The following CCL17 variants were observed in gnomAD, a reference collection of about 807,000 sequenced individuals.
The protein encoded by CCL17 is C-C motif chemokine 17.
A neutral mutation model predicts 7.4 loss-of-function variants in CCL17; 8 were observed. The ratio of observed to expected loss-of-function variants is 1.09; its 90% CI spans 0.64 to 1.96. The LOEUF (loss-of-function observed/expected upper bound fraction) is 1.96, where lower values mean the gene tolerates loss of function less well. Among genes scored for constraint, CCL17 ranks in the 30% most tolerant of loss-of-function variants. The pLI is 0.00. For synonymous variants in CCL17, 40 were observed against 46.1 expected, an observed-to-expected ratio of 0.87 and a Z score of 0.54; for missense variants, 102 against 113.0, an observed-to-expected ratio of 0.90 and a Z score of 0.44.
chr16:57,405,177 T>C (rs1902676364), intron 1 of CCL17, among the ~76,000 whole-genome samples: 1 of 152,114 alleles, frequency 6.6e-6, no homozygotes, highest in African/African-American at 2.4e-5. Flanking sequence ...AAGGGGGCAT[T>C]ACATGGTCAG....
rs1311080973 is a variant in CCL17 at position 57,415,096 on chromosome 16, T to G, written c.86T>G (p.Val29Gly). ...QHIHAARGTN[V>G]GRECCLEYFK... ...CTCCCTGCAGCTCGAGGGACCAATG[T>G]GGGCCGGGAGTGCTGCCTGGAGTAC... Residue 29 changes from valine (V) to glycine (G), a missense_variant, in exon 3 of 4, where the codon GTG becomes GGG. Physicochemically the swap from Val to Gly is moderately radical, Grantham distance 109 (BLOSUM62 -3). Transcript: ENST00000219244. This position sits in a 1 kb window ranked among gnomAD's most constrained non-coding sequence, Gnocchi z 4.5. 1 of 1,613,498 alleles carries G rather than the reference T, an allele frequency of 6.2e-7. No homozygotes were observed.
chr16:57,399,616 A>G, the CCL17 span, among the ~76,000 whole-genome samples: 1 of 151,972 alleles, frequency 6.6e-6, no homozygotes, highest in Non-Finnish European at 1.5e-5. Flanking sequence ...TTGCCCAGCT[A>G]ATTTTTTATT....
chr16:57,403,150 T>A (rs1376715764), upstream of CCL17, among the ~76,000 whole-genome samples: 2 of 88,188 alleles, frequency 2.3e-5, no homozygotes, highest in Non-Finnish European at 4.0e-5. Flanking sequence ...TTATCTATAA[T>A]ATATATAATA....
intron 1 of CCL17, among the ~76,000 whole-genome samples, chr16:57,408,663 G>C (rs1182904654): frequency 6.6e-6 from 1 of 152,002 alleles, no homozygotes; most frequent in East Asian, 1.9e-4. Context: ...CCACCTCCCG[G>C]GTTCAAGCGA....
At chr16:57,412,186 G>A (rs1359682683) in intron 1 of CCL17, among the ~76,000 whole-genome samples, 1 of 152,202 alleles carries the variant, frequency 6.6e-6, no homozygotes, top group African/African-American at 2.4e-5. Flanking sequence ...ATGAGATTGA[G>A]GTCCAGAGAG....
At chr16:57,408,657 C>G (rs1184327013) in intron 1 of CCL17, among the ~76,000 whole-genome samples, 2 of 150,810 alleles carry the variant, frequency 1.3e-5, no homozygotes, top group Non-Finnish European at 3.0e-5. Flanking sequence ...CAATCTCCAC[C>G]TCCCGGGTTC....
the CCL17 span, among the ~76,000 whole-genome samples, chr16:57,398,003 C>T: frequency 6.6e-6 from 1 of 152,146 alleles, no homozygotes; most frequent in Non-Finnish European, 1.5e-5. Flanking sequence ...AATTTGTTGG[C>T]AGTCATGCTC....
chr16:57,411,400 C>T (rs1387340931), intron 1 of CCL17, among the ~76,000 whole-genome samples: 4 of 152,214 alleles, frequency 2.6e-5, no homozygotes, highest in Non-Finnish European at 5.9e-5. Flanking sequence ...GAACCTTCCA[C>T]TGCTGCTTTC....
upstream of CCL17, among the ~76,000 whole-genome samples, chr16:57,400,155 C>T (rs1173459347): frequency 6.6e-6 from 1 of 151,946 alleles, no homozygotes; most frequent in Non-Finnish European, 1.5e-5. Context: ...GTCAGGAGAT[C>T]GAGACCATCC....
intron 1 of CCL17, among the ~76,000 whole-genome samples, chr16:57,413,164 A>G (rs1167535679): frequency 6.6e-6 from 1 of 152,168 alleles, no homozygotes; most frequent in Non-Finnish European, 1.5e-5. Flanking sequence ...CATCCCATTT[A>G]GGGGAACGTG....
In CCL17 at chr16:57,413,911, T is replaced by C. The variant is rs767470129; in HGVS notation, c.-22T>C. 8.2e-6 allele frequency: 13 copies of C among 1,594,040 alleles called. 1 individual carries two copies. In the South Asian group the frequency reaches 1.5e-4, roughly 18 times the overall value. On this transcript the variant is annotated 5_prime_UTR_variant, in exon 2 of 4. Coordinates refer to ENST00000219244, the MANE Select transcript of CCL17 (RefSeq NM_002987.3). ...AGCAGAGGGACCTGCACACAGAGAC[T>C]CCCTCCTGGGCTCCTGGCACCATGG...
chr16:57,405,999 G>A (rs893955003), intron 1 of CCL17, among the ~76,000 whole-genome samples: 3 of 151,762 alleles, frequency 2.0e-5, no homozygotes, highest in East Asian at 1.9e-4. Flanking sequence ...CCGAGATAGC[G>A]CTGCTGCAGT....
Position 57,415,730 on chromosome 16 carries a change from C to A in CCL17, c.189-35C>A, listed in dbSNP as rs369902808. On this transcript the variant is annotated intron_variant, in intron 3 of 3. Transcript: ENST00000219244. This position sits in a 1 kb window ranked among gnomAD's most constrained non-coding sequence, Gnocchi z 4.5. ...CAGGGACTCTGGGGGCCCTTCCCCCCCTGCCACTCCTGGTAACGTCCTCCT... is the reference window on the plus strand; with the variant it reads ...CAGGGACTCTGGGGGCCCTTCCCCCACTGCCACTCCTGGTAACGTCCTCCT... 34 of 1,416,494 alleles carry A rather than the reference C, an allele frequency of 2.4e-5. No individual in the cohort carries two copies. The highest frequency in any genetic ancestry group is 1.0e-4 in the Admixed American group (6 of 59,736). 87.7% of individuals were successfully genotyped at this position (1,416,494 alleles called of 1,614,324 possible).
In CCL17 at chr16:57,415,743, G is replaced by T; in HGVS notation, c.189-22G>T. Reference sequence around the variant, plus strand: ...GGCCCTTCCCCCCCTGCCACTCCTGGTAACGTCCTCCTTCTGTGTAGTTTT... The same window carrying T: ...GGCCCTTCCCCCCCTGCCACTCCTGTTAACGTCCTCCTTCTGTGTAGTTTT... On this transcript the variant is annotated intron_variant, in intron 3 of 3. Transcript: ENST00000219244. This position sits in a 1 kb window ranked among gnomAD's most constrained non-coding sequence, Gnocchi z 4.5. 1 of 1,542,054 alleles carries T rather than the reference G, an allele frequency of 6.5e-7. No homozygotes were observed. Among genetic ancestry groups the T allele is most frequent in the East Asian group, 2.2e-5 (1 of 44,550 alleles).
chr16:57,401,389 C>A (rs1902589354), upstream of CCL17, among the ~76,000 whole-genome samples: 1 of 151,762 alleles, frequency 6.6e-6, no homozygotes, highest in Non-Finnish European at 1.5e-5. Context: ...CTGGGCATGG[C>A]AGTGCACCCC....
chr16:57,413,336 G>GC (rs1426426286), intron 1 of CCL17, among the ~76,000 whole-genome samples: 1 of 152,064 alleles, frequency 6.6e-6, no homozygotes, highest in African/African-American at 2.4e-5. Flanking sequence ...GCAGAGTGAT[G>GC]CCCATGTGCC....
At chr16:57,409,288 G>T (rs1448818968) in intron 1 of CCL17, among the ~76,000 whole-genome samples, 1 of 152,192 alleles carries the variant, frequency 6.6e-6, no homozygotes, top group African/African-American at 2.4e-5. Context: ...TTCCAGACAG[G>T]AAGAACAGCT....
At chr16:57,410,057 C>T (rs1902759280) in intron 1 of CCL17, among the ~76,000 whole-genome samples, 1 of 152,206 alleles carries the variant, frequency 6.6e-6, no homozygotes, top group African/African-American at 2.4e-5. Context: ...CCTAGCTGCC[C>T]CCTCCTGGTC....
At chr16:57,404,575 G>T (rs1245180452), upstream of CCL17, among the ~76,000 whole-genome samples, 1 of 152,100 alleles carries the variant, frequency 6.6e-6, no homozygotes, top group Non-Finnish European at 1.5e-5. Flanking sequence ...TTGGTATGGC[G>T]AGTAGGCAGC....
Sources: gnomAD v4.1 joint callset for allele counts (sites outside exome capture counted in the v4.1 genomes callset) on GRCh38, gnomAD v4.1.1 for gene constraint, Gnocchi (gnomAD v3.1) non-coding constraint, MANE v1.5 for transcripts, NCBI Gene and HGNC (gene_info 2026-07-23, HGNC 2026-07-21) for gene names.